NKAIN3: variants seen among roughly 807,000 people sequenced by gnomAD.
The protein encoded by NKAIN3 is sodium/potassium-transporting ATPase subunit beta-1-interacting protein 3.
In NKAIN3, 25 loss-of-function variants were observed where a neutral mutation model predicts 30.2. That is an observed-to-expected ratio of 0.83 (90% CI 0.60 to 1.16). NKAIN3 has a LOEUF of 1.16. Ranked by LOEUF, NKAIN3 falls within the 50% of genes most tolerant of loss-of-function variation. NKAIN3 has a pLI of 0.00. For missense variants in NKAIN3, 225 were observed against 254.1 expected (o/e 0.89, Z 0.78); for synonymous variants, 91 against 89.6 (o/e 1.02, Z -0.09).
intron 4 of NKAIN3, among the ~76,000 whole-genome samples, chr8:62,904,121 T>G (rs1422955505): frequency 6.6e-6 from 1 of 152,166 alleles, no homozygotes; most frequent in Non-Finnish European, 1.5e-5. Context: ...CCACATGTTA[T>G]GTATCTGGAC....
chr8:62,626,637 A>G lies in NKAIN3; in HGVS notation c.273+36843A>G, dbSNP rs138980948. ...AGCTTCACCTGCTAACTCTCAGGCA[A>G]GTTACTTAGCTGTGCCTCAGTGTTT... is the stretch of plus-strand genomic sequence containing the variant. On this transcript the variant is annotated intron_variant, in intron 3 of 6. Coordinates refer to ENST00000623646, the MANE Select transcript of NKAIN3 (RefSeq NM_001304533.3). 2.7e-3 allele frequency among the ~76,000 whole-genome samples: 415 copies of G among 152,222 alleles called. 2 individuals carry two copies. Among genetic ancestry groups the G allele is most frequent in the Non-Finnish European group, 3.3e-3 (222 of 67,994 alleles).
In NKAIN3 at chr8:62,965,589, G is replaced by A. The variant is rs1321956387; in HGVS notation, c.*182G>A. ...TGCTTGGGTGGGTATTTTTTTAGTC[G>A]TTTTCTTCTTATATGAACACTTGTA... On this transcript the variant is annotated 3_prime_UTR_variant, in exon 7 of 7. Coordinates refer to ENST00000623646, the MANE Select transcript of NKAIN3 (RefSeq NM_001304533.3). The A allele has an allele frequency of 5.8e-5, 55 of 952,882 alleles. No individual in the cohort carries two copies. The African/African-American group carries it at 7.8e-4, about 14-fold the overall frequency. The allele number at this position is 952,882 out of a possible 1,614,324, so 59.0% of individuals were successfully genotyped here.
At chr8:62,850,761 G>T (rs1467673153) in intron 4 of NKAIN3, among the ~76,000 whole-genome samples, 2 of 152,098 alleles carry the variant, frequency 1.3e-5, no homozygotes, top group Non-Finnish European at 2.9e-5. Context: ...AGATCAAATG[G>T]TTGTAGATAT....
chr8:62,989,198 C>G (rs1246906570), downstream of NKAIN3, among the ~76,000 whole-genome samples: 1 of 152,180 alleles, frequency 6.6e-6, no homozygotes, highest in African/African-American at 2.4e-5. Flanking sequence ...CAAACTGTTC[C>G]ACCTGTTACC....
intron 4 of NKAIN3, among the ~76,000 whole-genome samples, chr8:62,883,544 C>G (rs1048275063): frequency 5.7e-5 from 8 of 139,986 alleles, no homozygotes; most frequent in Non-Finnish European, 1.2e-4. Context: ...CCTAATACCT[C>G]TTATTTATTT....
chr8:62,507,751 C>T (rs1807686891), intron 1 of NKAIN3, among the ~76,000 whole-genome samples: 2 of 152,126 alleles, frequency 1.3e-5, no homozygotes, highest in South Asian at 4.1e-4. Flanking sequence ...AATTATTAGG[C>T]AGATTAAAAG....
chr8:62,737,020 C>A (rs1473393287), intron 3 of NKAIN3, among the ~76,000 whole-genome samples: 1 of 152,208 alleles, frequency 6.6e-6, no homozygotes. Flanking sequence ...CCCTCTTCCA[C>A]CCATTGGGCA....
chr8:62,981,746 G>T lies in NKAIN3; in HGVS notation c.*16339G>T. 1 of 122,644 alleles carries T rather than the reference G, an allele frequency of 8.2e-6. No individual in the cohort carries two copies. Among genetic ancestry groups the T allele is most frequent in the Non-Finnish European group, 1.7e-5 (1 of 59,896 alleles). 7.6% of individuals were successfully genotyped at this position (122,644 alleles called of 1,614,324 possible). ...CTTATGTATCCACAACAGAACTAAG[G>T]ACCGAAAAAAAAAAAAAAAAGATCT... On this transcript the variant is annotated 3_prime_UTR_variant, in exon 7 of 7. Coordinates refer to ENST00000623646, the MANE Select transcript of NKAIN3 (RefSeq NM_001304533.3).
intron 4 of NKAIN3, among the ~76,000 whole-genome samples, chr8:62,864,598 C>T (rs114043674): frequency 0.011 from 1,629 of 152,280 alleles, 25 homozygotes; most frequent in African/African-American, 0.037. Context: ...GTCACAGTTT[C>T]CAGAGTTTTC....
chr8:62,425,996 CTACTT>C (rs2129597155), intron 1 of NKAIN3, among the ~76,000 whole-genome samples: 1 of 152,034 alleles, frequency 6.6e-6, no homozygotes, highest in Admixed American at 6.6e-5. Flanking sequence ...AACATCCTGT[CTACTT>C]TAATGGATTT....
intron 1 of NKAIN3, among the ~76,000 whole-genome samples, chr8:62,490,782 T>C (rs10504351): frequency 0.74 from 113,122 of 152,072 alleles, 42,235 homozygotes; most frequent in South Asian, 0.81. Context: ...CAGGAAAGAA[T>C]AAGGGCTTTG....
At chr8:62,573,228 A>G (rs1431282735) in intron 1 of NKAIN3, among the ~76,000 whole-genome samples, 1 of 152,190 alleles carries the variant, frequency 6.6e-6, no homozygotes, top group Non-Finnish European at 1.5e-5. Flanking sequence ...CAATAACCAT[A>G]CTGAAGACTT....
chr8:62,437,534 T>C (rs1805205874), intron 1 of NKAIN3, among the ~76,000 whole-genome samples: 1 of 152,190 alleles, frequency 6.6e-6, no homozygotes. Context: ...GAATGACTTA[T>C]AGATGCTGAG....
At chr8:62,644,542 T>G (rs1042393348) in intron 3 of NKAIN3, among the ~76,000 whole-genome samples, 2 of 152,128 alleles carry the variant, frequency 1.3e-5, no homozygotes, top group African/African-American at 4.8e-5. Flanking sequence ...CACAATTTTC[T>G]GGAAATTCAG....
At chr8:62,456,290 C>T (rs1585828692) in intron 1 of NKAIN3, among the ~76,000 whole-genome samples, 1 of 151,992 alleles carries the variant, frequency 6.6e-6, no homozygotes, top group Admixed American at 6.5e-5. Context: ...GGGAGGCCGA[C>T]GTGGGCGGAT....
intron 1 of NKAIN3, among the ~76,000 whole-genome samples, chr8:62,435,739 T>C (rs984942885): frequency 2.6e-5 from 4 of 152,286 alleles, no homozygotes; most frequent in African/African-American, 9.6e-5. Context: ...AATTAAGATA[T>C]AAAATACAAA....
In NKAIN3 at chr8:62,539,513, A is replaced by C. The variant is rs189821700; in HGVS notation, c.55-40026A>C. 1.5e-3 allele frequency among the ~76,000 whole-genome samples: 231 copies of C among 152,240 alleles called. 3 individuals carry two copies. The highest frequency in any genetic ancestry group is 0.012 in the Admixed American group (191 of 15,294). Reference sequence around the variant, plus strand: ...TGTGCAGATCTTTAAAAAGATTCAGAGTTTCTTCTGATCAATCACACAAAG... The same window carrying C: ...TGTGCAGATCTTTAAAAAGATTCAGCGTTTCTTCTGATCAATCACACAAAG... On this transcript the variant is annotated intron_variant, in intron 1 of 6. Transcript: ENST00000623646.
intron 3 of NKAIN3, among the ~76,000 whole-genome samples, chr8:62,670,296 C>A (rs567925058): frequency 1.3e-5 from 2 of 152,142 alleles, no homozygotes; most frequent in Non-Finnish European, 2.9e-5. Context: ...AGTCCCCAGG[C>A]ATTTTCCTCT....
At chr8:62,332,291 A>G (rs574533814) in intron 1 of NKAIN3, among the ~76,000 whole-genome samples, 10 of 152,294 alleles carry the variant, frequency 6.6e-5, no homozygotes, top group Admixed American at 5.2e-4. Context: ...TTGCCATTCT[A>G]GATATCCATT....
Sources: allele counts gnomAD v4.1 joint callset (sites outside exome capture counted in the v4.1 genomes callset), GRCh38; gene constraint gnomAD v4.1.1; transcripts MANE v1.5; gene names NCBI Gene and HGNC (gene_info 2026-07-23, HGNC 2026-07-21).